Variants in SMAD9 observed in about 807,000 individuals in gnomAD.
SMAD9 encodes MAD homolog 9.
In SMAD9, 36 loss-of-function variants were observed where a neutral mutation model predicts 46.1. The ratio of observed to expected loss-of-function variants is 0.78; its 90% CI spans 0.60 to 1.03. The LOEUF is 1.03. Among genes scored for constraint, SMAD9 ranks in the 50% least tolerant of loss-of-function variants. The probability of loss-of-function intolerance (pLI) is 0.00; values close to 1 mark genes in which losing one functional copy is unlikely to be tolerated. For synonymous variants in SMAD9, 245 were observed against 237.1 expected, an observed-to-expected ratio of 1.03 and a Z score of -0.31; for missense variants, 572 against 599.8, an observed-to-expected ratio of 0.95 and a Z score of 0.48.
At chr13:36,850,156 A>G (rs1459726705) in intron 6 of SMAD9, 2 of 152,236 alleles carry the variant, frequency 1.3e-5, no homozygotes, top group African/African-American at 2.4e-5. Flanking sequence ...ATGAATGATC[A>G]GCTCTCAGCC....
At chr13:36,916,639 T>C (rs149896159) in intron 1 of SMAD9, among the ~76,000 whole-genome samples, 1,644 of 151,790 alleles carry the variant, frequency 0.011, 9 homozygotes, top group Non-Finnish European at 0.018. Context: ...ATAAAAAAGG[T>C]AGATGAAACA....
At chr13:36,898,537 A>G (rs1054711767) in intron 1 of SMAD9, among the ~76,000 whole-genome samples, 2 of 152,220 alleles carry the variant, frequency 1.3e-5, no homozygotes, top group Non-Finnish European at 2.9e-5. Context: ...CACACCCAGC[A>G]GTATAGAAAG....
At chr13:36,887,977 G>GA (rs1018997743) in intron 1 of SMAD9, among the ~76,000 whole-genome samples, 3 of 152,116 alleles carry the variant, frequency 2.0e-5, no homozygotes, top group Non-Finnish European at 2.9e-5. Flanking sequence ...GTTCTGCATA[G>GA]AAAACAAAAG....
chr13:36,914,987 A>G (rs1593633925), intron 1 of SMAD9, among the ~76,000 whole-genome samples: 1 of 152,360 alleles, frequency 6.6e-6, no homozygotes, highest in African/African-American at 2.4e-5. Context: ...GTAAATCTGT[A>G]TTTGATAGGC....
At position 36,910,167 on chromosome 13, in the gene SMAD9, G is replaced by A. The variant is rs536094068; in HGVS notation, c.-187+9949C>T. 2.8e-4 allele frequency among the ~76,000 whole-genome samples: 42 copies of A among 151,448 alleles called. No homozygotes were observed. In the South Asian group the frequency reaches 3.1e-3, roughly 11 times the overall value. On this transcript the variant is annotated intron_variant, in intron 1 of 6. Coordinates refer to ENST00000379826, the MANE Select transcript of SMAD9 (RefSeq NM_001127217.3). Reference sequence around the variant, plus strand: ...AGCCGAGATCGCGCCACTGTACTCCGGCGTGGGGGACACAGCGAGACTCCG... The same window carrying A: ...AGCCGAGATCGCGCCACTGTACTCCAGCGTGGGGGACACAGCGAGACTCCG...
chr13:36,913,049 T>G (rs530907263), intron 1 of SMAD9, among the ~76,000 whole-genome samples: 2 of 152,222 alleles, frequency 1.3e-5, no homozygotes, highest in Non-Finnish European at 2.9e-5. Context: ...CCTACTATAC[T>G]GTAAATGCTA....
chr13:36,847,070 A>C lies in SMAD9; in HGVS notation c.*1606T>G, dbSNP rs1269594109. On this transcript the variant is annotated 3_prime_UTR_variant, in exon 7 of 7. Transcript: ENST00000379826. ...ACATTTTTCAATGTAAAATGTAATA[A>C]TTCTTTTCTATGTGTATATATGAAA... The C allele has an allele frequency of 6.6e-6, 1 of 152,216 alleles. No homozygotes were observed. The highest frequency in any genetic ancestry group is 2.4e-5 in the African/African-American group (1 of 41,462). 9.4% of individuals were successfully genotyped at this position (152,216 alleles called of 1,614,324 possible).
intron 2 of SMAD9, among the ~76,000 whole-genome samples, chr13:36,875,375 A>G (rs1227204041): frequency 1.3e-5 from 2 of 152,234 alleles, no homozygotes; most frequent in East Asian, 3.8e-4. Flanking sequence ...AAGGGTAAAT[A>G]AAAGGTTTTA....
chr13:36,904,419 A>G (rs570589093), intron 1 of SMAD9, among the ~76,000 whole-genome samples: 7 of 152,326 alleles, frequency 4.6e-5, no homozygotes, highest in Non-Finnish European at 1.0e-4. Context: ...CCTCAGGGAA[A>G]ATGTATAATT....
At chr13:36,889,272 T>G (rs762540410) in intron 1 of SMAD9, among the ~76,000 whole-genome samples, 1 of 152,190 alleles carries the variant, frequency 6.6e-6, no homozygotes, top group Non-Finnish European at 1.5e-5. Flanking sequence ...AACACTGGGT[T>G]TCCTGTATTC....
At chr13:36,874,878 A>AAAAAC (rs2058331476) in intron 2 of SMAD9, among the ~76,000 whole-genome samples, 1 of 129,004 alleles carries the variant, frequency 7.8e-6, no homozygotes, top group African/African-American at 2.7e-5. Flanking sequence ...AAAAAAAAAA[A>AAAAAC]ATACATATAT....
At chr13:36,903,871 G>A (rs2138652401) in intron 1 of SMAD9, among the ~76,000 whole-genome samples, 1 of 152,200 alleles carries the variant, frequency 6.6e-6, no homozygotes, top group African/African-American at 2.4e-5. Flanking sequence ...GGAACAGAAG[G>A]CAGTGAAGAA....
intron 1 of SMAD9, among the ~76,000 whole-genome samples, chr13:36,917,874 A>G (rs2058710882): frequency 6.6e-6 from 1 of 152,250 alleles, no homozygotes; most frequent in Non-Finnish European, 1.5e-5. Context: ...CTCATTAATC[A>G]GAATTAAACT....
intron 4 of SMAD9, among the ~76,000 whole-genome samples, 156 bp downstream of exon 4, chr13:36,867,117 A>G (rs1272856603): frequency 2.0e-5 from 3 of 152,232 alleles, no homozygotes; most frequent in Admixed American, 6.5e-5. Flanking sequence ...AGGAATGTCA[A>G]AGTTAAAATG....
At chr13:36,916,282 A>C (rs1363301741) in intron 1 of SMAD9, among the ~76,000 whole-genome samples, 6 of 152,260 alleles carry the variant, frequency 3.9e-5, no homozygotes, top group Non-Finnish European at 8.8e-5. Flanking sequence ...TATCACATTA[A>C]AATCTGTTTT....
intron 3 of SMAD9, among the ~76,000 whole-genome samples, chr13:36,872,239 G>C (rs1272178008): frequency 1.3e-5 from 2 of 151,740 alleles, no homozygotes; most frequent in African/African-American, 2.4e-5. Flanking sequence ...ATATGTTTTA[G>C]GCAAGGGCTT....
chr13:36,892,614 G>A (rs1329566098), intron 1 of SMAD9, among the ~76,000 whole-genome samples: 3 of 152,158 alleles, frequency 2.0e-5, no homozygotes, highest in Non-Finnish European at 2.9e-5. Context: ...AGTCTTCTGA[G>A]AGTGAAATGG....
intron 1 of SMAD9, among the ~76,000 whole-genome samples, chr13:36,911,980 T>C (rs574455977): frequency 6.6e-6 from 1 of 152,290 alleles, no homozygotes; most frequent in South Asian, 2.1e-4. Flanking sequence ...AGTGCTGGGA[T>C]TGCAGGTGTG....
chr13:36,864,380 G>A (rs1213439236), intron 5 of SMAD9, among the ~76,000 whole-genome samples: 1 of 152,158 alleles, frequency 6.6e-6, no homozygotes, highest in African/African-American at 2.4e-5. Flanking sequence ...ATAAGGTTGA[G>A]ACCTACAGGG....
Sources: allele counts gnomAD v4.1 joint callset (sites outside exome capture counted in the v4.1 genomes callset), GRCh38; gene constraint gnomAD v4.1.1; transcripts MANE v1.5; gene names NCBI Gene and HGNC (gene_info 2026-07-23, HGNC 2026-07-21).